Variants in UVRAG observed in about 807,000 individuals in gnomAD.
UVRAG encodes UV radiation resistance associated.
In UVRAG, 19 loss-of-function variants were observed where a neutral mutation model predicts 78.0. The observed-to-expected ratio is 0.24, with a 90% confidence interval of 0.17 to 0.36. The LOEUF is 0.36. Ranked by LOEUF, UVRAG falls within the 10% of genes least tolerant of loss-of-function variation. The probability of loss-of-function intolerance (pLI) is 1.00; values close to 1 mark genes in which losing one functional copy is unlikely to be tolerated. For missense variants in UVRAG, 740 were observed against 853.8 expected, an observed-to-expected ratio of 0.87 and a Z score of 1.66; for synonymous variants, 323 against 324.6, an observed-to-expected ratio of 1.00 and a Z score of 0.05.
chr11:75,983,461 G>C lies in UVRAG; in HGVS notation c.774G>C (p.Leu258Phe), dbSNP rs766903523. The C allele has an allele frequency of 3.1e-6, 5 of 1,611,126 alleles. No individual in the cohort carries two copies. The highest frequency in any genetic ancestry group is 2.5e-6 in the Non-Finnish European group (3 of 1,178,058). The change falls in exon 8 of 15, where the codon TTG becomes TTC. Residue 258 changes from leucine to phenylalanine, a missense_variant. By Grantham distance (22) the Leu-to-Phe change is conservative (BLOSUM62 0). Transcript: ENST00000356136. ...QNELERQKKA[L>F]GREVALLHKQ... ...AACTGGAACGGCAGAAGAAAGCTTT[G>C]GGACGGGAGGTGGCATTACTGCATA...
intron 5 of UVRAG, among the ~76,000 whole-genome samples, chr11:75,905,847 T>G (rs571359158): frequency 6.6e-6 from 1 of 152,336 alleles, no homozygotes; most frequent in Non-Finnish European, 1.5e-5. Context: ...CTGGGTCATA[T>G]TATAATTCTA....
At chr11:75,847,533 A>G (rs915133502) in intron 1 of UVRAG, among the ~76,000 whole-genome samples, 7 of 152,042 alleles carry the variant, frequency 4.6e-5, no homozygotes, top group Non-Finnish European at 8.8e-5. Flanking sequence ...TGGCCTCCCA[A>G]AGTGCTGGGA....
intron 8 of UVRAG, among the ~76,000 whole-genome samples, chr11:75,993,982 A>G (rs931462695): frequency 1.3e-5 from 2 of 152,158 alleles, no homozygotes; most frequent in Non-Finnish European, 2.9e-5. Context: ...AGAACTCACT[A>G]TCACCAAGGG....
chr11:76,018,340 A>G (rs1247958342), intron 12 of UVRAG, among the ~76,000 whole-genome samples: 2 of 150,508 alleles, frequency 1.3e-5, no homozygotes, highest in African/African-American at 4.9e-5. Context: ...AAAAAGATAG[A>G]GCTTTATTGT....
At chr11:75,857,692 G>T (rs1475817206) in intron 2 of UVRAG, among the ~76,000 whole-genome samples, 1 of 151,742 alleles carries the variant, frequency 6.6e-6, no homozygotes, top group East Asian at 1.9e-4. Context: ...GATTCACCAT[G>T]TTGGCCAGTA....
At chr11:75,901,406 A>G (rs1947496627) in intron 5 of UVRAG, among the ~76,000 whole-genome samples, 1 of 152,198 alleles carries the variant, frequency 6.6e-6, no homozygotes, top group Non-Finnish European at 1.5e-5. Flanking sequence ...ATTTCCTCCC[A>G]GATAAACACC....
intron 14 of UVRAG, among the ~76,000 whole-genome samples, chr11:76,116,854 CT>C (rs1467032537): frequency 6.6e-6 from 1 of 152,092 alleles, no homozygotes; most frequent in Non-Finnish European, 1.5e-5. Context: ...GCTGATGTGC[CT>C]TCAGAAAAGT....
Position 76,125,421 on chromosome 11 carries a change from G to C in UVRAG, c.1397+9406G>C, listed in dbSNP as rs1282858626. 2.0e-5 allele frequency among the ~76,000 whole-genome samples: 3 copies of C among 152,156 alleles called. No individual in the cohort carries two copies. In the East Asian group the frequency reaches 5.8e-4, roughly 29 times the overall value. ...TGTAGTATTTTAAAAGACCTTAGGGGACCAGGCTTCTTCCATAACTCATTC... is the reference window on the plus strand; with the variant it reads ...TGTAGTATTTTAAAAGACCTTAGGGCACCAGGCTTCTTCCATAACTCATTC... On this transcript the variant is annotated intron_variant, in intron 14 of 14. Transcript: ENST00000356136.
intron 6 of UVRAG, among the ~76,000 whole-genome samples, chr11:75,949,426 T>C (rs1948641847): frequency 6.6e-6 from 1 of 152,110 alleles, no homozygotes; most frequent in South Asian, 2.1e-4. Flanking sequence ...CATAACCATC[T>C]GTGTGCTAAT....
chr11:76,137,164 G>A (rs780971864), intron 14 of UVRAG: 1 of 348,044 alleles, frequency 2.9e-6, no homozygotes, highest in South Asian at 2.3e-5. Flanking sequence ...CGCAAATCCT[G>A]TTTACTCATA....
At chr11:75,905,236 C>T (rs1947589471) in intron 5 of UVRAG, among the ~76,000 whole-genome samples, 1 of 152,144 alleles carries the variant, frequency 6.6e-6, no homozygotes, top group South Asian at 2.1e-4. Context: ...TTTTTCTCCT[C>T]ATCTCCTCTT....
chr11:75,923,057 G>A (rs575010692), intron 6 of UVRAG, among the ~76,000 whole-genome samples: 11 of 140,242 alleles, frequency 7.8e-5, no homozygotes, highest in Admixed American at 1.4e-4. Context: ...TTTTTGAGAC[G>A]GAGTTTTGCT....
chr11:76,089,490 C>T (rs2134424390), intron 13 of UVRAG, among the ~76,000 whole-genome samples: 1 of 152,150 alleles, frequency 6.6e-6, no homozygotes, highest in South Asian at 2.1e-4. Context: ...ATTACCAGCT[C>T]ACAAAGAATG....
chr11:76,026,897 A>C (rs1467699051), intron 12 of UVRAG, among the ~76,000 whole-genome samples: 10 of 152,138 alleles, frequency 6.6e-5, no homozygotes, highest in Admixed American at 1.3e-4. Context: ...TGTTCATGTG[A>C]AAACTTTCCC....
chr11:75,899,470 G>A (rs1322281428), intron 5 of UVRAG, among the ~76,000 whole-genome samples: 2 of 152,046 alleles, frequency 1.3e-5, no homozygotes, highest in Non-Finnish European at 2.9e-5. Flanking sequence ...CCATGAGGTA[G>A]TTCTCCTGCT....
chr11:75,961,971 C>T (rs1252687690), intron 7 of UVRAG, among the ~76,000 whole-genome samples: 1 of 152,072 alleles, frequency 6.6e-6, no homozygotes, highest in Non-Finnish European at 1.5e-5. Flanking sequence ...TTGGGAAATA[C>T]TCTTATTAAG....
intron 14 of UVRAG, among the ~76,000 whole-genome samples, chr11:76,131,016 G>A (rs950206250): frequency 2.6e-5 from 4 of 151,132 alleles, no homozygotes; most frequent in Non-Finnish European, 5.9e-5. Flanking sequence ...CAGATACTCC[G>A]AGGGGTCCCC....
chr11:76,120,492 G>C (rs1952254635), intron 14 of UVRAG, among the ~76,000 whole-genome samples: 1 of 152,080 alleles, frequency 6.6e-6, no homozygotes, highest in Admixed American at 6.5e-5. Context: ...GACTTTCCAG[G>C]CATAATTGAC....
chr11:75,914,952 T>TTTTAGGTGTGGTG (rs1478773196), intron 6 of UVRAG, among the ~76,000 whole-genome samples: 1 of 151,852 alleles, frequency 6.6e-6, no homozygotes, highest in African/African-American at 2.4e-5. Context: ...TAAAACCAGG[T>TTTTAGGTGTGGTG]GCTCCTTCAT....
Sources: allele counts gnomAD v4.1 joint callset (sites outside exome capture counted in the v4.1 genomes callset), GRCh38; gene constraint gnomAD v4.1.1; transcripts MANE v1.5; gene names NCBI Gene and HGNC (gene_info 2026-07-23, HGNC 2026-07-21).